The following PCDH10 variants were observed in gnomAD, a reference collection of about 807,000 sequenced individuals.
PCDH10 encodes protocadherin-10.
In PCDH10, 15 loss-of-function variants were observed where a neutral mutation model predicts 74.4. The ratio of observed to expected loss-of-function variants is 0.20; its 90% CI spans 0.13 to 0.31. The LOEUF is 0.31. PCDH10 is among the 10% of genes least tolerant of loss of function. The pLI, the probability that PCDH10 is intolerant of heterozygous loss-of-function variation, is 1.00. For synonymous variants in PCDH10, 619 were observed against 589.8 expected, an observed-to-expected ratio of 1.05 and a Z score of -0.72; for missense variants, 1,260 against 1,390.2, an observed-to-expected ratio of 0.91 and a Z score of 1.49.
At chr4:133,197,922 G>A (rs976776985), downstream of PCDH10, among the ~76,000 whole-genome samples, 3 of 151,580 alleles carry the variant, frequency 2.0e-5, no homozygotes, top group Non-Finnish European at 2.9e-5. Context: ...TAATAATAGA[G>A]TGAATAGCCA....
chr4:133,151,444 C>G lies in PCDH10; in HGVS notation c.1304C>G (p.Ala435Gly), dbSNP rs375417800. ...GACTCCTACACCCTGACTGTAGTGGCTCGGGACCGGGGCGAGCCTGCGCTC... is the reference window on the plus strand; with the variant it reads ...GACTCCTACACCCTGACTGTAGTGGGTCGGGACCGGGGCGAGCCTGCGCTC... ...AGDSYTLTVVARDRGEPALST... is the reference protein window; with the variant it reads ...AGDSYTLTVVGRDRGEPALST... The change falls in exon 1 of 5, where the codon GCT becomes GGT. Residue 435 changes from alanine (A) to glycine (G), a missense_variant. Physicochemically the swap from Ala to Gly is moderately conservative, Grantham distance 60. Around this residue, in one of 11 missense-constraint regions of PCDH10, gnomAD observed 112 missense variants for 123.6 expected, o/e 0.91. Transcript: ENST00000264360. The G allele has an allele frequency of 3.1e-6, 5 of 1,613,740 alleles. No homozygotes were observed. The African/African-American group carries it at 6.7e-5, about 22-fold the overall frequency.
At chr4:133,170,841 C>T (rs561432560) in intron 4 of PCDH10, among the ~76,000 whole-genome samples, 7 of 151,932 alleles carry the variant, frequency 4.6e-5, no homozygotes, top group African/African-American at 7.3e-5. Flanking sequence ...TACAGGCACA[C>T]GCCACCACAC....
At chr4:133,189,029 G>A (rs1309444126) in intron 4 of PCDH10, among the ~76,000 whole-genome samples, 1 of 151,960 alleles carries the variant, frequency 6.6e-6, no homozygotes, top group Non-Finnish European at 1.5e-5. Flanking sequence ...GTAAAGAACT[G>A]TTTCATGGTC....
At chr4:133,198,004 T>TGTGTGTGA (rs774649175), downstream of PCDH10, among the ~76,000 whole-genome samples, 1,077 of 147,890 alleles carry the variant, frequency 7.3e-3, 14 homozygotes, top group African/African-American at 0.026. Flanking sequence ...TGTGTGTGTG[T>TGTGTGTGA]GTGATTGGGA....
At chr4:133,206,030 G>A (rs1033068933) in intron 2 of PCDH10, among the ~76,000 whole-genome samples, 2 of 152,098 alleles carry the variant, frequency 1.3e-5, no homozygotes, top group African/African-American at 4.8e-5. Flanking sequence ...GATAAATTCT[G>A]TCCCTGTGTG....
downstream of PCDH10, among the ~76,000 whole-genome samples, chr4:133,196,796 C>G (rs887725166): frequency 2.0e-5 from 3 of 152,204 alleles, no homozygotes; most frequent in African/African-American, 4.8e-5. Flanking sequence ...TAGTTCGGAT[C>G]TCTTTAACTG....
intron 4 of PCDH10, among the ~76,000 whole-genome samples, chr4:133,187,079 T>C (rs1727558534): frequency 6.6e-6 from 1 of 152,142 alleles, no homozygotes; most frequent in African/African-American, 2.4e-5. Context: ...AAAGCGGATG[T>C]GACTAAAACT....
At chr4:133,198,333 A>G (rs1560718462), downstream of PCDH10, among the ~76,000 whole-genome samples, 1 of 152,220 alleles carries the variant, frequency 6.6e-6, no homozygotes. Context: ...GATGTGTGTG[A>G]GAGTTATATT....
chr4:133,175,456 T>A (rs1317493929), intron 4 of PCDH10, among the ~76,000 whole-genome samples: 2 of 152,088 alleles, frequency 1.3e-5, no homozygotes, highest in Admixed American at 6.6e-5. Flanking sequence ...GTTATAGAAA[T>A]GTTCTCGTGG....
chr4:133,161,814 G>C (rs1560707480), intron 3 of PCDH10, among the ~76,000 whole-genome samples: 2 of 151,884 alleles, frequency 1.3e-5, no homozygotes, highest in East Asian at 3.9e-4. Flanking sequence ...CAGTGAGCTG[G>C]GGAGCTTCTT....
intron 2 of PCDH10, among the ~76,000 whole-genome samples, chr4:133,203,334 C>G (rs139840610): frequency 4.1e-4 from 63 of 152,072 alleles, no homozygotes; most frequent in African/African-American, 8.4e-4. Context: ...TGTTTTTCCC[C>G]TCTATACTCT....
At chr4:133,196,079 T>C (rs1484559908), downstream of PCDH10, among the ~76,000 whole-genome samples, 3 of 152,302 alleles carry the variant, frequency 2.0e-5, no homozygotes, top group East Asian at 5.8e-4. Flanking sequence ...CTGATGAATC[T>C]GAAATGCATA....
intron 4 of PCDH10, among the ~76,000 whole-genome samples, chr4:133,178,037 A>G (rs1727331238): frequency 6.6e-6 from 1 of 152,178 alleles, no homozygotes; most frequent in Non-Finnish European, 1.5e-5. Context: ...ATTAGAGAGC[A>G]AATAATAAAT....
intron 4 of PCDH10, among the ~76,000 whole-genome samples, chr4:133,168,535 G>A (rs1240146558): frequency 3.3e-5 from 5 of 151,432 alleles, no homozygotes; most frequent in African/African-American, 1.2e-4. Context: ...AATTTGACCT[G>A]TGGTTCACCC....
chr4:133,154,282 CTTGAT>C lies in PCDH10; in HGVS notation c.2632-22_2632-18del. On this transcript the variant is annotated intron_variant, in intron 1 of 4. Coordinates refer to ENST00000264360, the MANE Select transcript of PCDH10 (RefSeq NM_032961.3). ...GTTCAACCCATAGCATTCAAATGCT[CTTGAT>C]TTATTTATTTTTTTCCTAGACTAAA... is the stretch of plus-strand genomic sequence containing the variant. The C allele has an allele frequency of 6.4e-7, 1 of 1,551,464 alleles. No individual in the cohort carries two copies. Among genetic ancestry groups the C allele is most frequent in the East Asian group, 2.3e-5 (1 of 44,410 alleles).
At chr4:133,162,664 C>T (rs1214718094) in intron 3 of PCDH10, among the ~76,000 whole-genome samples, 1 of 152,122 alleles carries the variant, frequency 6.6e-6, no homozygotes. Flanking sequence ...CATTTTTATT[C>T]ACCATTTCCC....
intron 4 of PCDH10, among the ~76,000 whole-genome samples, chr4:133,176,599 AT>A (rs1727301556): frequency 6.6e-6 from 1 of 152,100 alleles, no homozygotes; most frequent in Non-Finnish European, 1.5e-5. Context: ...ATATATCACT[AT>A]TTTACATCTG....
Position 133,149,942 on chromosome 4 carries a change from A to G in PCDH10, c.-199A>G, listed in dbSNP as rs371836157. 5.6e-6 allele frequency: 3 copies of G among 539,582 alleles called. No homozygotes were observed. The African/African-American group carries it at 6.0e-5, about 11-fold the overall frequency. The allele number at this position is 539,582 out of a possible 1,614,324, so 33.4% of individuals were successfully genotyped here. A position where few individuals can be genotyped will look rare whatever the true frequency, so the allele number is the denominator to read the frequency against. ...TGTCACCCTTCCTGTGCTAAGATTT[A>G]AAAAAAAATGAGGCTGGATTGCGGG... On this transcript the variant is annotated 5_prime_UTR_variant, in exon 1 of 5. It removes the in-frame stop codon of an upstream open reading frame in the 5' UTR. Transcript: ENST00000264360.
Position 133,150,644 on chromosome 4 carries a change from C to T in PCDH10, c.504C>T (p.Ser168=), listed in dbSNP as rs369955619. Residue 168 remains serine (S), a synonymous_variant, in exon 1 of 5, where the codon TCC becomes TCT. Transcript: ENST00000264360. ...AGATCACCCCCAACAGCTACTTCTCCCTGGACGTGCAGACCCAGGGGGATG... is the reference window on the plus strand; with the variant it reads ...AGATCACCCCCAACAGCTACTTCTCTCTGGACGTGCAGACCCAGGGGGATG... ...DYEITPNSYF[S]LDVQTQGDGN... 9.9e-6 allele frequency: 16 copies of T among 1,613,286 alleles called. No homozygotes were observed. Among genetic ancestry groups the T allele is most frequent in the Middle Eastern group, 1.6e-4 (1 of 6,062 alleles).
Sources: allele counts gnomAD v4.1 joint callset (sites outside exome capture counted in the v4.1 genomes callset), GRCh38; gene constraint gnomAD v4.1.1; regional missense constraint gnomAD v4.1.1; transcripts MANE v1.5; gene names NCBI Gene and HGNC (gene_info 2026-07-23, HGNC 2026-07-21).